SLC25A26: variants seen among roughly 807,000 people sequenced by gnomAD.
SLC25A26 encodes the protein mitochondrial S-adenosylmethionine carrier protein.
A neutral mutation model predicts 37.8 loss-of-function variants in SLC25A26; 36 were observed. The ratio of observed to expected loss-of-function variants is 0.95; its 90% CI spans 0.73 to 1.26. SLC25A26 has a LOEUF of 1.26. Among genes scored for constraint, SLC25A26 ranks in the 50% most tolerant of loss-of-function variants. SLC25A26 has a pLI of 0.00. For synonymous variants in SLC25A26, 129 were observed against 122.5 expected, an observed-to-expected ratio of 1.05 and a Z score of -0.35; for missense variants, 390 against 331.1, an observed-to-expected ratio of 1.18 and a Z score of -1.38.
intron 9 of SLC25A26, among the ~76,000 whole-genome samples, chr3:66,372,434 C>T (rs1700398093): frequency 6.6e-6 from 1 of 152,182 alleles, no homozygotes; most frequent in African/African-American, 2.4e-5. Context: ...CTTCCCTGTC[C>T]TGGTTGTGGC....
intron 6 of SLC25A26, among the ~76,000 whole-genome samples, chr3:66,354,187 A>T (rs2076523821): frequency 6.6e-6 from 1 of 151,412 alleles, no homozygotes; most frequent in Non-Finnish European, 1.5e-5. Flanking sequence ...TCTTAGTGTG[A>T]GACATCAGTT....
intron 5 of SLC25A26, among the ~76,000 whole-genome samples, chr3:66,274,009 G>C (rs1482661330): frequency 6.6e-6 from 1 of 152,132 alleles, no homozygotes; most frequent in African/African-American, 2.4e-5. Flanking sequence ...ATACTACAAG[G>C]CTTCAGTAAC....
In SLC25A26 at chr3:66,226,626, T is replaced by G. The variant is rs555323144; in HGVS notation, c.33+5499T>G. 2.0e-5 allele frequency among the ~76,000 whole-genome samples: 3 copies of G among 152,308 alleles called. No individual in the cohort carries two copies. The East Asian group carries it at 5.8e-4, about 29-fold the overall frequency. On this transcript the variant is annotated intron_variant, in intron 1 of 9. Transcript: ENST00000354883. ...AACCACGCCTGGCTAATTTTTTAAT[T>G]AAAAATTTTCTTGTTTTGTAGAGAC...
chr3:66,337,322 G>A (rs1163873279), intron 5 of SLC25A26, among the ~76,000 whole-genome samples: 1 of 152,020 alleles, frequency 6.6e-6, no homozygotes, highest in Non-Finnish European at 1.5e-5. Flanking sequence ...TTAGTGTGAG[G>A]TATGTTGAGG....
chr3:66,159,906 C>A (rs1013576861), intron 1 of SLC25A26, among the ~76,000 whole-genome samples: 1 of 152,162 alleles, frequency 6.6e-6, no homozygotes, highest in Non-Finnish European at 1.5e-5. Context: ...GAAACTGAGG[C>A]TTGAGAAGGG....
At chr3:66,215,947 G>C (rs1028319582) in intron 1 of SLC25A26, among the ~76,000 whole-genome samples, 1 of 152,170 alleles carries the variant, frequency 6.6e-6, no homozygotes, top group Admixed American at 6.5e-5. Flanking sequence ...TGGCAGATTC[G>C]GTGTCTGGGG....
intron 5 of SLC25A26, chr3:66,293,075 A>T (rs768556815): frequency 6.6e-6 from 1 of 151,558 alleles, no homozygotes; most frequent in African/African-American, 2.4e-5. Flanking sequence ...TGCTTGATCT[A>T]TTTGGCTATT....
At chr3:66,270,587 T>G (rs2073925053) in intron 5 of SLC25A26, among the ~76,000 whole-genome samples, 1 of 152,182 alleles carries the variant, frequency 6.6e-6, no homozygotes, top group African/African-American at 2.4e-5. Context: ...AAAATGAAAT[T>G]TCCTCTTTTA....
intron 5 of SLC25A26, among the ~76,000 whole-genome samples, chr3:66,306,207 C>T (rs901700014): frequency 2.0e-5 from 3 of 152,208 alleles, no homozygotes; most frequent in African/African-American, 7.2e-5. Flanking sequence ...GTTTCAAACT[C>T]CTGACCTCGT....
chr3:66,155,355 A>G (rs2070266894), intron 1 of SLC25A26, among the ~76,000 whole-genome samples: 1 of 152,136 alleles, frequency 6.6e-6, no homozygotes, highest in Non-Finnish European at 1.5e-5. Flanking sequence ...ACATAAAAAA[A>G]TAAAAAAATT....
chr3:66,351,934 G>A (rs902019763), intron 6 of SLC25A26, among the ~76,000 whole-genome samples: 1 of 151,992 alleles, frequency 6.6e-6, no homozygotes, highest in Non-Finnish European at 1.5e-5. Flanking sequence ...TCTTCACACA[G>A]CAGCCAGAGT....
At chr3:66,370,383 T>G in intron 8 of SLC25A26, 146 bp from the exon 9 acceptor site, 1 of 730,176 alleles carries the variant, frequency 1.4e-6, no homozygotes, top group Non-Finnish European at 2.4e-6. Flanking sequence ...GCGAGCCAGG[T>G]CCTGATTGCC....
At chr3:66,262,018 A>G (rs775719841) in intron 3 of SLC25A26, 33 bp from the exon 4 acceptor site, 1 of 1,318,114 alleles carries the variant, frequency 7.6e-7, no homozygotes, top group South Asian at 1.4e-5. Context: ...GCAGTTATTT[A>G]CTTTTTAGGA....
chr3:66,245,127 C>G (rs1047930686), intron 3 of SLC25A26, among the ~76,000 whole-genome samples: 9 of 151,770 alleles, frequency 5.9e-5, no homozygotes, highest in Non-Finnish European at 1.0e-4. Context: ...AGACTGGTCT[C>G]GAACTCCTGG....
intron 1 of SLC25A26, among the ~76,000 whole-genome samples, chr3:66,157,193 C>T (rs1441330238): frequency 1.3e-5 from 2 of 152,172 alleles, no homozygotes; most frequent in African/African-American, 4.8e-5. Context: ...ATGATGGCCC[C>T]ACTGCACTCC....
rs763305052 is a variant in SLC25A26 at position 66,378,835 on chromosome 3, T to G, written c.*1028T>G. 1.3e-5 allele frequency: 2 copies of G among 152,572 alleles called. No individual in the cohort carries two copies. Among genetic ancestry groups the G allele is most frequent in the African/African-American group, 2.4e-5 (1 of 41,436 alleles). 9.5% of individuals were successfully genotyped at this position (152,572 alleles called of 1,614,324 possible). A position where few individuals can be genotyped will look rare whatever the true frequency, so the allele number is the denominator to read the frequency against. On this transcript the variant is annotated 3_prime_UTR_variant, in exon 10 of 10. Transcript: ENST00000354883. ...TGAACCTTTATTAAAGACACTTCAA[T>G]GCCATTTGTTAGACACTTCAATATT...
At chr3:66,226,473 G>A (rs551810617) in intron 1 of SLC25A26, among the ~76,000 whole-genome samples, 13 of 151,926 alleles carry the variant, frequency 8.6e-5, no homozygotes, top group South Asian at 2.1e-4. Context: ...TTTCATGTGC[G>A]TTCTTTTCTT....
intron 1 of SLC25A26, among the ~76,000 whole-genome samples, chr3:66,140,682 G>A (rs1042340240): frequency 5.3e-5 from 8 of 152,070 alleles, no homozygotes; most frequent in Non-Finnish European, 1.0e-4. Context: ...CTACCTTATC[G>A]GCACCTGTCT....
chr3:66,190,430 A>G (rs1227968568), intron 1 of SLC25A26, among the ~76,000 whole-genome samples: 3 of 151,996 alleles, frequency 2.0e-5, no homozygotes, highest in African/African-American at 7.2e-5. Context: ...AATTTTATCT[A>G]TTTTATTTAT....
Sources: allele counts gnomAD v4.1 joint callset (sites outside exome capture counted in the v4.1 genomes callset), GRCh38; gene constraint gnomAD v4.1.1; transcripts MANE v1.5; gene names NCBI Gene and HGNC (gene_info 2026-07-23, HGNC 2026-07-21).